Variants in SYNE3 observed in about 807,000 individuals in gnomAD.
The protein encoded by SYNE3 is spectrin repeat containing nuclear envelope family member 3, also known as nesprin-3.
A neutral mutation model predicts 111.2 loss-of-function variants in SYNE3; 100 were observed. That is an observed-to-expected ratio of 0.90 (90% CI 0.77 to 1.06). The LOEUF (loss-of-function observed/expected upper bound fraction) is 1.06. SYNE3 is among the 50% of genes least tolerant of loss of function. SYNE3 has a pLI of 0.00. For missense variants in SYNE3, 1,160 were observed against 1,240.3 expected (o/e 0.94, Z 0.97); for synonymous variants, 547 against 533.9 (o/e 1.02, Z -0.34).
chr14:95,449,934 G>T lies in SYNE3; in HGVS notation c.1446C>A (p.Ile482=), dbSNP rs761334868. 1 of 1,552,146 alleles carries T rather than the reference G, an allele frequency of 6.4e-7. No homozygotes were observed. Among genetic ancestry groups the T allele is most frequent in the Non-Finnish European group, 8.7e-7 (1 of 1,147,390 alleles). The change falls in exon 8 of 18, where the codon ATC becomes ATA. Residue 482 remains isoleucine (I), a synonymous_variant. Transcript: ENST00000682763. ...LPSLHTFLPQ[I]EAALMESSRL... ...CAGTTGGCAGGACCACGGTTACCTC[G>T]ATCTGGGGCAGGAAGGTGTGAAGGG...
chr14:95,441,731 C>T (rs1238449748), intron 11 of SYNE3, among the ~76,000 whole-genome samples: 1 of 152,216 alleles, frequency 6.6e-6, no homozygotes, highest in East Asian at 1.9e-4. Flanking sequence ...CTTGAAACTA[C>T]TAACTGCTAG....
chr14:95,462,155 T>C (rs1887869776), intron 4 of SYNE3, among the ~76,000 whole-genome samples: 1 of 152,120 alleles, frequency 6.6e-6, no homozygotes, highest in Non-Finnish European at 1.5e-5. Flanking sequence ...CCCATAGAAA[T>C]GCACACTCAT....
chr14:95,514,163 G>A (rs757402381), intron 1 of SYNE3, among the ~76,000 whole-genome samples: 12 of 152,146 alleles, frequency 7.9e-5, no homozygotes, highest in Admixed American at 3.9e-4. Flanking sequence ...GGCAGCCCAG[G>A]GTTGGAGCTT....
At chr14:95,420,723 CACACAT>C (rs971328764) in intron 17 of SYNE3, among the ~76,000 whole-genome samples, 25 of 152,134 alleles carry the variant, frequency 1.6e-4, no homozygotes, top group African/African-American at 6.0e-4. Flanking sequence ...CACACACACA[CACACAT>C]ACACACACAC....
At chr14:95,465,232 G>A (rs931150010) in intron 4 of SYNE3, among the ~76,000 whole-genome samples, 15 of 151,994 alleles carry the variant, frequency 9.9e-5, no homozygotes, top group African/African-American at 3.6e-4. Context: ...AGGAGAAGGG[G>A]GAAGCTGTTT....
intron 1 of SYNE3, among the ~76,000 whole-genome samples, chr14:95,509,186 G>C (rs371968825): frequency 6.6e-6 from 1 of 152,190 alleles, no homozygotes; most frequent in African/African-American, 2.4e-5. Flanking sequence ...GGAGGTGACT[G>C]AGGAGGACTT....
At chr14:95,419,863 G>GATGATGATGATA in intron 17 of SYNE3, among the ~76,000 whole-genome samples, 1 of 149,376 alleles carries the variant, frequency 6.7e-6, no homozygotes. Flanking sequence ...TGGTGATGGA[G>GATGATGATGATA]GTGATGGTGA....
intron 6 of SYNE3, among the ~76,000 whole-genome samples, chr14:95,454,857 T>C (rs148806834): frequency 6.6e-6 from 1 of 152,262 alleles, no homozygotes; most frequent in East Asian, 1.9e-4. Flanking sequence ...TCAGTTCGTA[T>C]ACCTCGGGGG....
At chr14:95,418,435 TAGTA>T (rs769777809) in intron 17 of SYNE3, among the ~76,000 whole-genome samples, 44 of 152,274 alleles carry the variant, frequency 2.9e-4, no homozygotes, top group South Asian at 1.5e-3. Context: ...GCCTGGCACA[TAGTA>T]AGTATGTACC....
chr14:95,475,712 C>T lies in SYNE3; in HGVS notation c.110G>A (p.Arg37His), dbSNP rs776974057. ...LQVNDNTQGP[R>H]AALEARLWET... ...CCACAGCCTGGCCTCCAGGGCCGCG[C>T]GGGGTCCCTGCGTGTTGTCATTGAC... is the stretch of plus-strand genomic sequence containing the variant. Residue 37 changes from arginine (R) to histidine (H), a missense_variant, in exon 2 of 18, where the codon CGC becomes CAC. Coordinates refer to ENST00000682763, the MANE Select transcript of SYNE3 (RefSeq NM_152592.6). 67 of 1,599,132 alleles carry T rather than the reference C, an allele frequency of 4.2e-5. No homozygotes were observed. In the East Asian group the frequency reaches 7.0e-4, roughly 17 times the overall value.
chr14:95,515,607 C>G (rs1214347414), intron 1 of SYNE3, among the ~76,000 whole-genome samples: 2 of 152,220 alleles, frequency 1.3e-5, no homozygotes, highest in African/African-American at 4.8e-5. Flanking sequence ...TCCTCATGCC[C>G]TCATTCATGT....
chr14:95,408,906 G>T lies in SYNE3; in HGVS notation c.*8920C>A. The T allele has an allele frequency of 2.9e-6, 1 of 349,202 alleles. No homozygotes were observed. Among genetic ancestry groups the T allele is most frequent in the Admixed American group, 3.9e-5 (1 of 25,830 alleles). The allele number at this position is 349,202 out of a possible 1,614,324, so 21.6% of individuals were successfully genotyped here. ...GGGCTGGCCTGTCCGTGCTTTTCCA[G>T]TGGGAAGGTAGACAGACAGTGGGTA... is the stretch of plus-strand genomic sequence containing the variant. On this transcript the variant is annotated 3_prime_UTR_variant, in exon 18 of 18. Transcript: ENST00000682763.
chr14:95,444,611 G>A lies in SYNE3; in HGVS notation c.1650C>T (p.His550=). 1 of 1,604,466 alleles carries A rather than the reference G, an allele frequency of 6.2e-7. No individual in the cohort carries two copies. Among genetic ancestry groups the A allele is most frequent in the Middle Eastern group, 1.7e-4 (1 of 6,036 alleles). Reference sequence around the variant, plus strand: ...GCTCAAAAGCTGCTCCAAAGTCTTTGTGCTGAGCGAGCAGGCTCTGCAGAG... The same window carrying A: ...GCTCAAAAGCTGCTCCAAAGTCTTTATGCTGAGCGAGCAGGCTCTGCAGAG... ...KSKLQSLLAQ[H]KDFGAAFEPL... The change falls in exon 10 of 18, where the codon CAC becomes CAT. Residue 550 remains histidine (H), a synonymous_variant. Coordinates refer to ENST00000682763, the MANE Select transcript of SYNE3 (RefSeq NM_152592.6).
At chr14:95,427,171 C>G (rs956758433) in intron 17 of SYNE3, among the ~76,000 whole-genome samples, 4 of 152,126 alleles carry the variant, frequency 2.6e-5, no homozygotes, top group African/African-American at 9.7e-5. Flanking sequence ...CTGTTATGCC[C>G]GGACAGGGCC....
At chr14:95,462,827 GCTGGTGT>G (rs1368473196) in intron 4 of SYNE3, among the ~76,000 whole-genome samples, 2 of 152,220 alleles carry the variant, frequency 1.3e-5, no homozygotes, top group Non-Finnish European at 2.9e-5. Context: ...CTACTGGGCC[GCTGGTGT>G]CTGACGCACA....
chr14:95,462,244 C>T (rs1887879163), intron 4 of SYNE3, among the ~76,000 whole-genome samples: 1 of 152,184 alleles, frequency 6.6e-6, no homozygotes, highest in African/African-American at 2.4e-5. Flanking sequence ...CTCCCCATGG[C>T]CAGCTTCTAG....
chr14:95,476,575 T>C (rs1888904010), intron 1 of SYNE3, among the ~76,000 whole-genome samples: 1 of 152,274 alleles, frequency 6.6e-6, no homozygotes, highest in African/African-American at 2.4e-5. Context: ...TCCCCTGGGC[T>C]ATGGCTGCAA....
chr14:95,497,401 C>T (rs1445670108), intron 1 of SYNE3, among the ~76,000 whole-genome samples: 3 of 152,110 alleles, frequency 2.0e-5, no homozygotes, highest in Non-Finnish European at 2.9e-5. Context: ...ACAGTAGGTG[C>T]TATATAACAA....
At chr14:95,430,985 A>C (rs981361521) in intron 17 of SYNE3, among the ~76,000 whole-genome samples, 5 of 152,210 alleles carry the variant, frequency 3.3e-5, no homozygotes, top group Non-Finnish European at 5.9e-5. Flanking sequence ...TCTCCTATAG[A>C]TGTTACTTAT....
Sources: allele counts gnomAD v4.1 joint callset (sites outside exome capture counted in the v4.1 genomes callset), GRCh38; gene constraint gnomAD v4.1.1; transcripts MANE v1.5; gene names NCBI Gene and HGNC (gene_info 2026-07-23, HGNC 2026-07-21).